Variants in GRM5 observed in about 807,000 individuals in gnomAD.
GRM5 encodes metabotropic glutamate receptor 5.
Under a neutral mutation model 83.1 loss-of-function variants are expected in GRM5, and 19 were observed. The observed-to-expected ratio is 0.23, with a 90% CI of 0.16 to 0.34. The LOEUF (loss-of-function observed/expected upper bound fraction) is 0.34, where lower values mean the gene tolerates loss of function less well. Among genes scored for constraint, GRM5 ranks in the 10% least tolerant of loss-of-function variants. The pLI, the probability that GRM5 is intolerant of heterozygous loss-of-function variation, is 1.00. For synonymous variants in GRM5, 675 were observed against 633.6 expected (o/e 1.07, Z -0.98); for missense variants, 1,160 against 1,588.3 (o/e 0.73, Z 4.58).
At chr11:88,893,806 A>C (rs1945186280) in intron 2 of GRM5, among the ~76,000 whole-genome samples, 1 of 152,026 alleles carries the variant, frequency 6.6e-6, no homozygotes, top group Non-Finnish European at 1.5e-5. Flanking sequence ...AGCAGGAAGT[A>C]GCCAGAAAGA....
At chr11:88,709,492 T>C (rs1170349956) in intron 3 of GRM5, among the ~76,000 whole-genome samples, 1 of 152,070 alleles carries the variant, frequency 6.6e-6, no homozygotes, top group Non-Finnish European at 1.5e-5. Flanking sequence ...GCAACTACAC[T>C]GAGGAGCAAA....
chr11:88,689,676 C>T (rs1383547821), intron 3 of GRM5, among the ~76,000 whole-genome samples: 1 of 152,138 alleles, frequency 6.6e-6, no homozygotes, highest in African/African-American at 2.4e-5. Context: ...TTTCTGATCC[C>T]CAGCTCTGTT....
At chr11:88,810,244 G>A (rs1455268668) in intron 3 of GRM5, among the ~76,000 whole-genome samples, 1 of 152,028 alleles carries the variant, frequency 6.6e-6, no homozygotes, top group East Asian at 1.9e-4. Context: ...ATCCATAAAA[G>A]CCAGTAATAA....
intron 2 of GRM5, among the ~76,000 whole-genome samples, chr11:88,950,149 C>G (rs2135677556): frequency 6.6e-6 from 1 of 151,972 alleles, no homozygotes; most frequent in Non-Finnish European, 1.5e-5. Context: ...GCTGGGATTA[C>G]AGGCGTGAGC....
chr11:88,805,637 A>G (rs1943486756), intron 3 of GRM5, among the ~76,000 whole-genome samples: 1 of 152,240 alleles, frequency 6.6e-6, no homozygotes, highest in Admixed American at 6.5e-5. Flanking sequence ...TGATTTGACT[A>G]TGAATCTTCA....
chr11:88,878,233 A>G (rs1944892552), intron 2 of GRM5, among the ~76,000 whole-genome samples: 1 of 152,158 alleles, frequency 6.6e-6, no homozygotes, highest in Non-Finnish European at 1.5e-5. Flanking sequence ...ACCAGTTGCC[A>G]ATCCCTGGAG....
At chr11:88,566,947 C>T (rs1192133784) in intron 8 of GRM5, 106 bp downstream of exon 8, 11 of 713,380 alleles carry the variant, frequency 1.5e-5, no homozygotes, top group Non-Finnish European at 2.6e-5. Flanking sequence ...CCCTGCCTCA[C>T]ATGGTTTCAT....
chr11:88,857,387 TATC>T (rs1460058908), intron 2 of GRM5, among the ~76,000 whole-genome samples: 1 of 152,088 alleles, frequency 6.6e-6, no homozygotes, highest in African/African-American at 2.4e-5. Flanking sequence ...TCTGGCATGA[TATC>T]ATCCCCTAAA....
intron 5 of GRM5, among the ~76,000 whole-genome samples, chr11:88,602,037 T>C (rs1938012823): frequency 6.6e-6 from 1 of 151,422 alleles, no homozygotes; most frequent in Non-Finnish European, 1.5e-5. Context: ...TCCATATTTC[T>C]TATCGGTAAT....
At chr11:88,799,338 ATAGTT>A (rs35634967) in intron 3 of GRM5, among the ~76,000 whole-genome samples, 8,111 of 152,192 alleles carry the variant, frequency 0.053, 395 homozygotes, top group Admixed American at 0.16. Flanking sequence ...TTTATCAACA[ATAGTT>A]AAGTTAGGGA....
intron 6 of GRM5, among the ~76,000 whole-genome samples, chr11:88,593,526 A>G (rs1937702765): frequency 6.6e-6 from 1 of 151,428 alleles, no homozygotes; most frequent in South Asian, 2.1e-4. Context: ...AAATACAAAA[A>G]CATTAGCCAG....
intron 3 of GRM5, among the ~76,000 whole-genome samples, chr11:88,830,866 A>G (rs907298286): frequency 2.0e-5 from 3 of 152,182 alleles, no homozygotes; most frequent in African/African-American, 7.2e-5. Flanking sequence ...AAGGTAGGCA[A>G]GGAAGAGCAA....
At chr11:88,603,524 T>A (rs1309373985) in intron 5 of GRM5, among the ~76,000 whole-genome samples, 1 of 152,194 alleles carries the variant, frequency 6.6e-6, no homozygotes, top group East Asian at 1.9e-4. Flanking sequence ...CTTGTATTTT[T>A]TTCCTTCATG....
chr11:88,579,315 G>A (rs2135190321), intron 7 of GRM5, among the ~76,000 whole-genome samples: 1 of 152,168 alleles, frequency 6.6e-6, no homozygotes, highest in Non-Finnish European at 1.5e-5. Context: ...TAGCAGCCTG[G>A]TATTCTCAAA....
chr11:88,882,864 G>A (rs1367452873), intron 2 of GRM5, among the ~76,000 whole-genome samples: 4 of 152,118 alleles, frequency 2.6e-5, no homozygotes, highest in Non-Finnish European at 5.9e-5. Flanking sequence ...GAATCATGAG[G>A]GTGGGTCTTT....
chr11:88,994,057 A>G (rs1940088258), intron 2 of GRM5, among the ~76,000 whole-genome samples: 1 of 152,174 alleles, frequency 6.6e-6, no homozygotes, highest in Non-Finnish European at 1.5e-5. Context: ...TACAAAAATC[A>G]GCAGCATTCA....
At chr11:88,583,700 T>C (rs1565348570) in intron 7 of GRM5, among the ~76,000 whole-genome samples, 1 of 152,166 alleles carries the variant, frequency 6.6e-6, no homozygotes, top group Non-Finnish European at 1.5e-5. Flanking sequence ...CTAAATTCTT[T>C]GATACAAAAC....
At chr11:88,942,063 A>G (rs1938132799) in intron 2 of GRM5, among the ~76,000 whole-genome samples, 1 of 152,054 alleles carries the variant, frequency 6.6e-6, no homozygotes, top group Admixed American at 6.6e-5. Context: ...AACAAAACAC[A>G]GAAATGCAAA....
chr11:88,568,859 A>T (rs1942925960), intron 7 of GRM5, among the ~76,000 whole-genome samples: 2 of 152,226 alleles, frequency 1.3e-5, no homozygotes, highest in Admixed American at 1.3e-4. Flanking sequence ...GTTCATTTTT[A>T]TAAGAAAACT....
Sources: allele counts gnomAD v4.1 joint callset (sites outside exome capture counted in the v4.1 genomes callset), GRCh38; gene constraint gnomAD v4.1.1; transcripts MANE v1.5; gene names NCBI Gene and HGNC (gene_info 2026-07-23, HGNC 2026-07-21).